Variants in EHBP1 observed in about 807,000 individuals in gnomAD.
EHBP1 encodes EH domain binding protein 1.
A neutral mutation model predicts 144.0 loss-of-function variants in EHBP1; 55 were observed. The ratio of observed to expected loss-of-function variants is 0.38; its 90% CI spans 0.31 to 0.48. EHBP1 has a LOEUF of 0.48. Among genes scored for constraint, EHBP1 ranks in the 20% least tolerant of loss-of-function variants. The pLI is 0.98. For missense variants in EHBP1, 1,200 were observed against 1,364.2 expected (o/e 0.88, Z 1.90); for synonymous variants, 469 against 472.7 (o/e 0.99, Z 0.10).
At chr2:62,687,304 T>C (rs2033749407) in intron 1 of EHBP1, among the ~76,000 whole-genome samples, 1 of 152,244 alleles carries the variant, frequency 6.6e-6, no homozygotes, top group South Asian at 2.1e-4. Context: ...TTCCTATTGA[T>C]GGAAGGAGGT....
intron 7 of EHBP1, among the ~76,000 whole-genome samples, chr2:62,850,204 T>G (rs2152754673): frequency 6.6e-6 from 1 of 152,354 alleles, no homozygotes; most frequent in South Asian, 2.1e-4. Context: ...GTTACTATTT[T>G]AGACCATCTT....
intron 5 of EHBP1, among the ~76,000 whole-genome samples, chr2:62,802,103 G>T (rs2044034966): frequency 6.6e-6 from 1 of 152,188 alleles, no homozygotes; most frequent in South Asian, 2.1e-4. Flanking sequence ...CAAGAAAACA[G>T]AACTAATAAC....
chr2:62,952,741 T>G (rs1374893698), intron 13 of EHBP1, among the ~76,000 whole-genome samples: 1 of 152,204 alleles, frequency 6.6e-6, no homozygotes, highest in African/African-American at 2.4e-5. Flanking sequence ...TCAAAGTCTG[T>G]GCTTCTCCAC....
chr2:62,969,903 T>C (rs561175749), intron 14 of EHBP1, among the ~76,000 whole-genome samples: 38 of 152,324 alleles, frequency 2.5e-4, no homozygotes, highest in South Asian at 1.4e-3. Flanking sequence ...AAAGATCTGC[T>C]AAACAGTTTT....
At chr2:62,876,653 A>G (rs1259131341) in intron 10 of EHBP1, among the ~76,000 whole-genome samples, 1 of 152,208 alleles carries the variant, frequency 6.6e-6, no homozygotes, top group Non-Finnish European at 1.5e-5. Flanking sequence ...TATAGGAGAC[A>G]TGGCTAGGGA....
chr2:62,825,652 T>TCTATA (rs1459174390), intron 5 of EHBP1, among the ~76,000 whole-genome samples: 1 of 151,296 alleles, frequency 6.6e-6, no homozygotes, highest in African/African-American at 2.4e-5. Flanking sequence ...GGCTGGAAGT[T>TCTATA]CTATAAATAA....
At chr2:62,694,127 C>T (rs1329446437) in intron 1 of EHBP1, among the ~76,000 whole-genome samples, 1 of 152,080 alleles carries the variant, frequency 6.6e-6, no homozygotes, top group African/African-American at 2.4e-5. Flanking sequence ...TGTTAATTTT[C>T]AAAGAACATT....
At chr2:62,707,356 C>T in intron 2 of EHBP1, 61 bp downstream of exon 2, 1 of 1,241,580 alleles carries the variant, frequency 8.1e-7, no homozygotes, top group South Asian at 1.2e-5. Context: ...GTGGCCTAAA[C>T]TCTGGGTCTT....
intron 4 of EHBP1, among the ~76,000 whole-genome samples, chr2:62,768,331 G>T (rs1285167801): frequency 6.6e-6 from 1 of 152,108 alleles, no homozygotes; most frequent in Non-Finnish European, 1.5e-5. Flanking sequence ...TGATGAAGAG[G>T]CTGTTACCAC....
intron 13 of EHBP1, among the ~76,000 whole-genome samples, chr2:62,950,246 C>G (rs1417404329): frequency 6.6e-6 from 1 of 151,932 alleles, no homozygotes; most frequent in African/African-American, 2.4e-5. Flanking sequence ...TTTCAGAGAG[C>G]CCCCAAAGTT....
Position 63,045,219 on chromosome 2 carries a change from T to G in EHBP1, c.3392+39T>G. ...GGGGTCGGGTCGAGGCTGGGCCACC[T>G]GCCGAGGGGCCGAGAAGTGTGCGGA... On this transcript the variant is annotated intron_variant, in intron 22 of 22. Coordinates refer to ENST00000431489, the MANE Select transcript of EHBP1 (RefSeq NM_001142616.3). The surrounding 1 kb of genome is among the most constrained non-coding windows in gnomAD (Gnocchi z 5.7). The G allele has an allele frequency of 6.5e-7, 1 of 1,528,974 alleles. No individual in the cohort carries two copies. The highest frequency in any genetic ancestry group is 8.9e-7 in the Non-Finnish European group (1 of 1,123,928). 94.7% of individuals were successfully genotyped at this position (1,528,974 alleles called of 1,614,324 possible). A position where few individuals can be genotyped will look rare whatever the true frequency, so the allele number is the denominator to read the frequency against.
intron 10 of EHBP1, among the ~76,000 whole-genome samples, chr2:62,896,133 G>A (rs1188218722): frequency 6.6e-6 from 1 of 152,048 alleles, no homozygotes; most frequent in African/African-American, 2.4e-5. Context: ...TAAATGCATC[G>A]GAGGAAAAGA....
chr2:62,996,511 C>T, intron 18 of EHBP1, 132 bp from the exon 19 acceptor site: 4 of 1,106,392 alleles, frequency 3.6e-6, no homozygotes, highest in Non-Finnish European at 5.1e-6. Flanking sequence ...CAGAGAGTTG[C>T]TTTTTGGTAC....
intron 14 of EHBP1, 41 bp downstream of exon 14, chr2:62,955,701 G>T (rs1263624984): frequency 5.7e-6 from 9 of 1,572,584 alleles, no homozygotes; most frequent in Non-Finnish European, 7.8e-6. Context: ...GTTGTTCATT[G>T]TAATCATGGG....
chr2:62,846,752 G>A lies in EHBP1; in HGVS notation c.635-12417G>A, dbSNP rs185292241. Among the ~76,000 whole-genome samples, 278 of 152,128 alleles carry A rather than the reference G, an allele frequency of 1.8e-3. 3 individuals carry two copies. Among genetic ancestry groups the A allele is most frequent in the African/African-American group, 6.0e-3 (248 of 41,508 alleles). ...TTACAGTAGAGGTAAATAAAAAACA[G>A]ACTAAGAAATAAATTTGACATAAGA... On this transcript the variant is annotated intron_variant, in intron 7 of 22. Coordinates refer to ENST00000431489, the MANE Select transcript of EHBP1 (RefSeq NM_001142616.3).
intron 5 of EHBP1, among the ~76,000 whole-genome samples, chr2:62,782,882 A>C (rs1348001876): frequency 6.6e-6 from 1 of 151,938 alleles, no homozygotes; most frequent in Non-Finnish European, 1.5e-5. Context: ...CCAAAGTCTT[A>C]ACTCATTCCA....
Position 62,707,266 on chromosome 2 carries a change from G to C in EHBP1, c.75G>C (p.Gln25His). 1.2e-6 allele frequency: 2 copies of C among 1,614,136 alleles called. No individual in the cohort carries two copies. The highest frequency in any genetic ancestry group is 1.7e-6 in the Non-Finnish European group (2 of 1,179,958). Residue 25 changes from glutamine to histidine, a missense_variant, in exon 2 of 23, where the codon CAG becomes CAC. Gln to His is a conservative substitution (Grantham distance 24). Transcript: ENST00000431489. The stretch of plus-strand genomic sequence containing the variant: ...AGTTCCAGTTTGTGGCCTCCTACCA[G>C]GAGCTCATGGTTGAGTGTACGAAGA... ...ASKFQFVASY[Q>H]ELMVECTKKW...
chr2:63,042,855 T>C (rs1281629021), intron 21 of EHBP1, among the ~76,000 whole-genome samples: 1 of 151,980 alleles, frequency 6.6e-6, no homozygotes, highest in Non-Finnish European at 1.5e-5. Flanking sequence ...ATTTATGTTT[T>C]CTTGGTTTAA....
At chr2:62,710,824 T>C (rs2035075558) in intron 2 of EHBP1, among the ~76,000 whole-genome samples, 1 of 152,154 alleles carries the variant, frequency 6.6e-6, no homozygotes. Context: ...TACATGCACT[T>C]TCAGTGTTAA....
Sources: gnomAD v4.1 joint callset for allele counts (sites outside exome capture counted in the v4.1 genomes callset) on GRCh38, gnomAD v4.1.1 for gene constraint, Gnocchi (gnomAD v3.1) non-coding constraint, MANE v1.5 for transcripts, NCBI Gene and HGNC (gene_info 2026-07-23, HGNC 2026-07-21) for gene names.